The following ETV6 variants were observed in gnomAD, a reference collection of about 807,000 sequenced individuals.
ETV6 encodes the protein ETS variant transcription factor 6, also known as transcription factor ETV6.
Under a neutral mutation model 51.1 loss-of-function variants are expected in ETV6, and 16 were observed. The ratio of observed to expected loss-of-function variants is 0.31; its 90% CI spans 0.21 to 0.48. ETV6 has a LOEUF of 0.48. ETV6 is among the 20% of genes least tolerant of loss of function. The pLI is 0.99. For missense variants in ETV6, 458 were observed against 594.8 expected, an observed-to-expected ratio of 0.77 and a Z score of 2.39; for synonymous variants, 240 against 224.1, an observed-to-expected ratio of 1.07 and a Z score of -0.64.
At chr12:11,651,054 G>T (rs1336377297) in intron 1 of ETV6, among the ~76,000 whole-genome samples, 3 of 152,220 alleles carry the variant, frequency 2.0e-5, no homozygotes, top group Non-Finnish European at 4.4e-5. Flanking sequence ...AAAAGTTGTT[G>T]TAAAGTTTGC....
At chr12:11,861,012 C>A (rs1044125542) in intron 4 of ETV6, among the ~76,000 whole-genome samples, 2 of 152,212 alleles carry the variant, frequency 1.3e-5, no homozygotes, top group African/African-American at 2.4e-5. Context: ...TCTCAGAACA[C>A]GGCCTGTTTG....
chr12:11,849,108 G>GTTGTTTGT (rs56777835), intron 3 of ETV6, among the ~76,000 whole-genome samples: 7,499 of 151,434 alleles, frequency 0.05, 278 homozygotes, highest in Non-Finnish European at 0.071. Context: ...CTGTTTTGGC[G>GTTGTTTGT]TTGTTTGTTT....
chr12:11,790,157 C>G (rs145773323), intron 2 of ETV6, among the ~76,000 whole-genome samples: 361 of 150,222 alleles, frequency 2.4e-3, no homozygotes, highest in Middle Eastern at 0.01. Context: ...TTTTGTTCGA[C>G]TTGTTCTTCA....
chr12:11,656,991 T>G (rs1864011199), intron 1 of ETV6, among the ~76,000 whole-genome samples: 1 of 152,148 alleles, frequency 6.6e-6, no homozygotes, highest in Non-Finnish European at 1.5e-5. Context: ...TTTTTTTGAC[T>G]CCTGTCTCGA....
chr12:11,723,399 T>C (rs138420298), intron 1 of ETV6, among the ~76,000 whole-genome samples: 2 of 152,216 alleles, frequency 1.3e-5, no homozygotes, highest in Non-Finnish European at 2.9e-5. Flanking sequence ...CATGTCCTGC[T>C]TGCCTTCTTT....
chr12:11,694,667 G>C (rs2120811222), intron 1 of ETV6, among the ~76,000 whole-genome samples: 1 of 152,236 alleles, frequency 6.6e-6, no homozygotes, highest in Admixed American at 6.5e-5. Flanking sequence ...TATTGTCTCT[G>C]TGTTTGTTAC....
intron 3 of ETV6, among the ~76,000 whole-genome samples, chr12:11,848,475 G>A (rs1056534573): frequency 6.6e-6 from 1 of 152,222 alleles, no homozygotes; most frequent in Non-Finnish European, 1.5e-5. Context: ...AGTCACAGCA[G>A]TATTGTTCAC....
At chr12:11,759,989 T>A (rs1323616825) in intron 2 of ETV6, among the ~76,000 whole-genome samples, 1 of 152,240 alleles carries the variant, frequency 6.6e-6, no homozygotes, top group Non-Finnish European at 1.5e-5. Flanking sequence ...AGGTAAACGT[T>A]AGCAGCGACG....
At chr12:11,818,962 T>C (rs2040358) in intron 2 of ETV6, among the ~76,000 whole-genome samples, 86,055 of 151,870 alleles carry the variant, frequency 0.57, 24,425 homozygotes, top group East Asian at 0.59. Context: ...GGCGTCCCTC[T>C]CCTGTATACA....
At chr12:11,760,426 C>T (rs7311189) in intron 2 of ETV6, among the ~76,000 whole-genome samples, 25,608 of 152,074 alleles carry the variant, frequency 0.17, 2,465 homozygotes, top group East Asian at 0.34. Context: ...CACAGGGCTA[C>T]GCAGTGAATA....
chr12:11,769,086 C>T (rs1945204100), intron 2 of ETV6: 1 of 405,084 alleles, frequency 2.5e-6, no homozygotes, highest in Non-Finnish European at 4.9e-6. Flanking sequence ...ATTTATTGAG[C>T]ACCTACTGTG....
intron 2 of ETV6, among the ~76,000 whole-genome samples, chr12:11,813,695 A>G (rs1417825556): frequency 6.6e-6 from 1 of 152,052 alleles, no homozygotes; most frequent in Non-Finnish European, 1.5e-5. Context: ...ATTCCTTTAA[A>G]CAAAGGGTCA....
At chr12:11,686,025 A>G (rs567629029) in intron 1 of ETV6, among the ~76,000 whole-genome samples, 3 of 152,344 alleles carry the variant, frequency 2.0e-5, no homozygotes, top group African/African-American at 7.2e-5. Flanking sequence ...AATTGGACAC[A>G]AAGTAAAATT....
chr12:11,682,931 A>G (rs1004340930), intron 1 of ETV6, among the ~76,000 whole-genome samples: 3 of 152,020 alleles, frequency 2.0e-5, no homozygotes, highest in African/African-American at 7.3e-5. Flanking sequence ...TCATTGTTCT[A>G]TATATCAGTT....
chr12:11,769,456 A>C (rs1168668086), intron 2 of ETV6, among the ~76,000 whole-genome samples: 1 of 152,072 alleles, frequency 6.6e-6, no homozygotes, highest in South Asian at 2.1e-4. Flanking sequence ...AAAAAAAACG[A>C]TTTTGATGGT....
chr12:11,785,537 A>G (rs1281590486), intron 2 of ETV6, among the ~76,000 whole-genome samples: 1 of 152,244 alleles, frequency 6.6e-6, no homozygotes, highest in Non-Finnish European at 1.5e-5. Context: ...CAATGCCTGC[A>G]GTGAGGAGGT....
chr12:11,717,738 A>G (rs1865303642), intron 1 of ETV6, among the ~76,000 whole-genome samples: 1 of 152,184 alleles, frequency 6.6e-6, no homozygotes, highest in South Asian at 2.1e-4. Context: ...ACCGTGGGAC[A>G]TTTTTCCTAT....
intron 2 of ETV6, among the ~76,000 whole-genome samples, chr12:11,786,847 C>T (rs1565525675): frequency 1.3e-5 from 2 of 152,312 alleles, no homozygotes; most frequent in East Asian, 1.9e-4. Flanking sequence ...AGAGCAGATG[C>T]CAATCCCTTC....
chr12:11,853,378 G>A lies in ETV6; in HGVS notation c.329-49G>A, dbSNP rs770235962. On this transcript the variant is annotated intron_variant, in intron 3 of 7. Coordinates refer to ENST00000396373, the MANE Select transcript of ETV6 (RefSeq NM_001987.5). ...AGCTGCTGCTCCGTAGATCGTTGTTGGAAAAACATCTTTCCATTTCTCGAT... is the reference window on the plus strand; with the variant it reads ...AGCTGCTGCTCCGTAGATCGTTGTTAGAAAAACATCTTTCCATTTCTCGAT... The A allele has an allele frequency of 3.7e-6, 6 of 1,611,186 alleles. No individual in the cohort carries two copies. In the South Asian group the frequency reaches 6.6e-5, roughly 18 times the overall value.
Sources: allele counts gnomAD v4.1 joint callset (sites outside exome capture counted in the v4.1 genomes callset), GRCh38; gene constraint gnomAD v4.1.1; transcripts MANE v1.5; gene names NCBI Gene and HGNC (gene_info 2026-07-23, HGNC 2026-07-21).